ZYG11B: variants seen among roughly 807,000 people sequenced by gnomAD.
ZYG11B encodes the protein zyg-11 family member B, cell cycle regulator, also known as protein zyg-11 homolog B.
Under a neutral mutation model 82.4 loss-of-function variants are expected in ZYG11B, and 36 were observed. That is an observed-to-expected ratio of 0.44 (90% CI 0.33 to 0.58). ZYG11B has a LOEUF of 0.58. ZYG11B is among the 20% of genes least tolerant of loss of function. ZYG11B has a pLI of 0.02. For missense variants in ZYG11B, 552 were observed against 895.6 expected (o/e 0.62, Z 4.90); for synonymous variants, 303 against 312.8 (o/e 0.97, Z 0.33).
At chr1:52,735,479 A>G (rs1644371549) in intron 1 of ZYG11B, among the ~76,000 whole-genome samples, 1 of 152,170 alleles carries the variant, frequency 6.6e-6, no homozygotes, top group Non-Finnish European at 1.5e-5. Context: ...AAGAAATTGT[A>G]TAGTAACTAG....
In ZYG11B at chr1:52,787,942, A is replaced by G. The variant is rs183594219; in HGVS notation, c.1270-2061A>G. ...TGCTGGCTGGATTGGTGTATAGACA[A>G]AGGTACCAGGCAGGATTTCAAAGGG... On this transcript the variant is annotated intron_variant, in intron 5 of 13. Coordinates refer to ENST00000294353, the MANE Select transcript of ZYG11B (RefSeq NM_024646.3). 5.9e-5 allele frequency among the ~76,000 whole-genome samples: 9 copies of G among 152,328 alleles called. No homozygotes were observed. In the East Asian group the frequency reaches 1.7e-3, roughly 29 times the overall value.
chr1:52,770,670 A>G (rs1488042329), intron 2 of ZYG11B, among the ~76,000 whole-genome samples: 2 of 152,222 alleles, frequency 1.3e-5, no homozygotes, highest in East Asian at 1.9e-4. Flanking sequence ...AGGTGCTTCA[A>G]CATATAGTGC....
chr1:52,737,991 C>T (rs999067839), intron 1 of ZYG11B, among the ~76,000 whole-genome samples: 3 of 152,150 alleles, frequency 2.0e-5, no homozygotes, highest in Admixed American at 6.6e-5. Context: ...GTTCTGTCCA[C>T]AAGGATTTAA....
chr1:52,814,826 G>A (rs996748787), intron 12 of ZYG11B, among the ~76,000 whole-genome samples: 2 of 152,158 alleles, frequency 1.3e-5, no homozygotes, highest in African/African-American at 2.4e-5. Context: ...ATGTAGGAAG[G>A]TCTAAAATAA....
chr1:52,760,484 TATC>T (rs1165175861), intron 2 of ZYG11B, among the ~76,000 whole-genome samples: 4 of 152,148 alleles, frequency 2.6e-5, no homozygotes, highest in Admixed American at 6.6e-5. Flanking sequence ...AAACTGGTAA[TATC>T]ATACTGTTTC....
In ZYG11B at chr1:52,785,703, C is replaced by T. The variant is rs115671944; in HGVS notation, c.1269+650C>T. The stretch of plus-strand genomic sequence containing the variant: ...ATCTCTTGTCTTTGTGATCCGCCCA[C>T]CTTAACTTCTGAAAATGCTGGGATT... On this transcript the variant is annotated intron_variant, in intron 5 of 13. Coordinates refer to ENST00000294353, the MANE Select transcript of ZYG11B (RefSeq NM_024646.3). 6.3e-3 allele frequency among the ~76,000 whole-genome samples: 956 copies of T among 152,220 alleles called. 6 individuals carry two copies. The highest frequency in any genetic ancestry group is 0.021 in the African/African-American group (856 of 41,544).
At chr1:52,741,296 CTCAA>C (rs1410340044) in intron 1 of ZYG11B, among the ~76,000 whole-genome samples, 6 of 24,770 alleles carry the variant, frequency 2.4e-4, no homozygotes, top group African/African-American at 1.2e-3. Context: ...GAGACTTCGT[CTCAA>C]AAAAAAAAAA....
rs148823801 is a variant in ZYG11B at position 52,731,061 on chromosome 1, T to A, written c.30+4378T>A. On this transcript the variant is annotated intron_variant, in intron 1 of 13. Coordinates refer to ENST00000294353, the MANE Select transcript of ZYG11B (RefSeq NM_024646.3). ...GCCGAGGTGGGTGAATCACCTGAGG[T>A]CAGGAGTTCAAGACCAGCCTGACCA... Among the ~76,000 whole-genome samples, 1,172 of 151,854 alleles carry A rather than the reference T, an allele frequency of 7.7e-3. 15 individuals are homozygous for A. Among genetic ancestry groups the A allele is most frequent in the African/African-American group, 0.027 (1,127 of 41,444 alleles).
chr1:52,753,876 G>A (rs545758248), intron 1 of ZYG11B, among the ~76,000 whole-genome samples: 4 of 152,044 alleles, frequency 2.6e-5, no homozygotes, highest in Non-Finnish European at 5.9e-5. Context: ...GATTACAGGC[G>A]TAAGCCACTG....
At position 52,772,487 on chromosome 1, in the gene ZYG11B, C is replaced by T. The variant is rs1644761049; in HGVS notation, c.951+713C>T. 10 of 1,596,184 alleles carry T rather than the reference C, an allele frequency of 6.3e-6. No homozygotes were observed. The South Asian group carries it at 6.6e-5, about 11-fold the overall frequency. On this transcript the variant is annotated intron_variant, in intron 3 of 13. Coordinates refer to ENST00000294353, the MANE Select transcript of ZYG11B (RefSeq NM_024646.3). ...CTTGTGCAACACCATGTGATTCTCT[C>T]ACGATTACACCGATCTGTGAAGGAG...
rs1645247194 is a variant in ZYG11B at position 52,817,811 on chromosome 1, ATATATTTTTTTTTTTTTTTTTTTTTTTTT to A, written c.2044+1184_2044+1212del. Among the ~76,000 whole-genome samples the A allele has an allele frequency of 8.1e-5, 3 of 36,966 alleles. No homozygotes were observed. In the South Asian group the frequency reaches 4.0e-3, roughly 49 times the overall value. 24.3% of individuals were successfully genotyped at this position (36,966 alleles called of 152,430 possible). A position where few individuals can be genotyped will look rare whatever the true frequency, so the allele number is the denominator to read the frequency against. ...TATATATATATATATATATATATATATATATTTTTTTTTTTTTTTTTTTTTTTTTTTTTTTTTTTTTTTTGAGATGGAGT... is the reference window on the plus strand; with the variant it reads ...TATATATATATATATATATATATATATTTTTTTTTTTTTTTGAGATGGAGT... On this transcript the variant is annotated intron_variant, in intron 13 of 13. Transcript: ENST00000294353.
At chr1:52,741,484 A>G (rs1233250162) in intron 1 of ZYG11B, among the ~76,000 whole-genome samples, 1 of 152,126 alleles carries the variant, frequency 6.6e-6, no homozygotes, top group African/African-American at 2.4e-5. Flanking sequence ...TTTCAAGGCT[A>G]GACTTGGGAC....
At chr1:52,747,856 C>T (rs939000318) in intron 1 of ZYG11B, among the ~76,000 whole-genome samples, 5 of 152,132 alleles carry the variant, frequency 3.3e-5, no homozygotes, top group African/African-American at 1.2e-4. Flanking sequence ...TTTATTAGCT[C>T]TGTAATCTTG....
rs1008567018 is a variant in ZYG11B, at chr1:52,826,342, C to G, written c.*4713C>G. The G allele has an allele frequency of 1.3e-5, 2 of 152,122 alleles. No individual in the cohort carries two copies. The highest frequency in any genetic ancestry group is 4.8e-5 in the African/African-American group (2 of 41,428). The allele number at this position is 152,122 out of a possible 1,614,324, so 9.4% of individuals were successfully genotyped here. A position where few individuals can be genotyped will look rare whatever the true frequency, so the allele number is the denominator to read the frequency against. On this transcript the variant is annotated 3_prime_UTR_variant, in exon 14 of 14. Transcript: ENST00000294353. ...TGGATAATGGATGTTTAGTCCTTAT[C>G]ATTTGCTGTGTTTTGACAGTTTTTA...
chr1:52,813,929 T>TTTA lies in ZYG11B; in HGVS notation c.1946+18_1946+19insTAT, dbSNP rs765915197. The TTTA allele has an allele frequency of 5.6e-6, 9 of 1,613,270 alleles. No individual in the cohort carries two copies. The South Asian group carries it at 8.8e-5, about 16-fold the overall frequency. ...AGCATACAGGTAATTAGTATCATAA[T>TTTA]TAACAGTAAACCAGCAACCTAGTCT... On this transcript the variant is annotated intron_variant, in intron 12 of 13. Transcript: ENST00000294353.
chr1:52,727,244 A>G (rs1406597826), intron 1 of ZYG11B, among the ~76,000 whole-genome samples: 2 of 151,898 alleles, frequency 1.3e-5, no homozygotes, highest in Non-Finnish European at 2.9e-5. Flanking sequence ...TACGGGCTTC[A>G]GGGGTCTAAG....
intron 6 of ZYG11B, among the ~76,000 whole-genome samples, chr1:52,792,867 T>A (rs12759015): frequency 1.1e-4 from 17 of 152,182 alleles, no homozygotes; most frequent in Non-Finnish European, 2.2e-4. Flanking sequence ...TGAGACAGAG[T>A]TTCGCTCTTG....
Position 52,826,257 on chromosome 1 carries a change from G to A in ZYG11B, c.*4628G>A, listed in dbSNP as rs1645324206. The A allele has an allele frequency of 6.6e-6, 1 of 152,168 alleles. No individual in the cohort carries two copies. Among genetic ancestry groups the A allele is most frequent in the Non-Finnish European group, 1.5e-5 (1 of 68,034 alleles). 9.4% of individuals were successfully genotyped at this position (152,168 alleles called of 1,614,324 possible). ...TACTAACTTTGACACAGCTCCCAGA[G>A]AGGTTTGCAAACTTTTGGTTTCCCT... On this transcript the variant is annotated 3_prime_UTR_variant, in exon 14 of 14. Coordinates refer to ENST00000294353, the MANE Select transcript of ZYG11B (RefSeq NM_024646.3).
intron 8 of ZYG11B, among the ~76,000 whole-genome samples, chr1:52,797,419 T>C (rs538678022): frequency 2.8e-5 from 2 of 72,230 alleles, no homozygotes; most frequent in South Asian, 6.8e-4. Context: ...TATCATATAT[T>C]ATACATATTA....
Sources: allele counts gnomAD v4.1 joint callset (sites outside exome capture counted in the v4.1 genomes callset), GRCh38; gene constraint gnomAD v4.1.1; transcripts MANE v1.5; gene names NCBI Gene and HGNC (gene_info 2026-07-23, HGNC 2026-07-21).